FREM1: variants seen among roughly 807,000 people sequenced by gnomAD.
The protein encoded by FREM1 is FRAS1 related extracellular matrix 1, also known as FRAS1-related extracellular matrix protein 1.
A neutral mutation model predicts 210.1 loss-of-function variants in FREM1; 220 were observed. That is an observed-to-expected ratio of 1.05 (90% CI 0.94 to 1.17). FREM1 has a LOEUF of 1.17. Ranked by LOEUF, FREM1 falls within the 50% of genes most tolerant of loss-of-function variation. The probability of loss-of-function intolerance (pLI) is 0.00; values close to 1 mark genes in which losing one functional copy is unlikely to be tolerated. For missense variants in FREM1, 3,454 were observed against 2,675.5 expected (o/e 1.29, Z -6.42); for synonymous variants, 1,189 against 980.2 (o/e 1.21, Z -3.98).
In FREM1 at chr9:14,836,738, C is replaced by A. The variant is rs1824685677; in HGVS notation, c.1881+4709G>T. The stretch of plus-strand genomic sequence containing the variant: ...AACCGCATGTGGACATGCCATTCTT[C>A]CGAGGACCCTTAAATCAATCCCAGG... On this transcript the variant is annotated intron_variant, in intron 10 of 36. Coordinates refer to ENST00000380880, the MANE Select transcript of FREM1 (RefSeq NM_001379081.2). This position sits in a 1 kb window ranked among gnomAD's most constrained non-coding sequence, Gnocchi z 4.9. Among the ~76,000 whole-genome samples the A allele has an allele frequency of 6.6e-6, 1 of 152,190 alleles. No individual in the cohort carries two copies. Among genetic ancestry groups the A allele is most frequent in the South Asian group, 2.1e-4 (1 of 4,826 alleles).
At chr9:14,814,538 C>G (rs1213064227) in intron 15 of FREM1, among the ~76,000 whole-genome samples, 2 of 152,144 alleles carry the variant, frequency 1.3e-5, no homozygotes, top group Non-Finnish European at 2.9e-5. Context: ...AAGCTCCAGG[C>G]TAGTTATTTA....
chr9:14,843,043 C>T (rs776484900), intron 8 of FREM1, among the ~76,000 whole-genome samples: 87 of 152,248 alleles, frequency 5.7e-4, no homozygotes, highest in Non-Finnish European at 1.1e-3. Context: ...GCATTCGAAT[C>T]AGCAGACTGA....
chr9:14,893,446 T>A (rs966881742), intron 1 of FREM1, among the ~76,000 whole-genome samples: 5 of 152,218 alleles, frequency 3.3e-5, no homozygotes, highest in African/African-American at 1.2e-4. Flanking sequence ...CTTGTAACCA[T>A]GTGGCCCTGC....
rs1827725416 is a variant in FREM1, at chr9:14,851,394, G to A, written c.1042C>T (p.Leu348=). 6.2e-7 allele frequency: 1 copy of A among 1,613,928 alleles called. No homozygotes were observed. Among genetic ancestry groups the A allele is most frequent in the Non-Finnish European group, 8.5e-7 (1 of 1,179,852 alleles). Residue 348 remains leucine, a synonymous_variant, in exon 6 of 37, where the codon CTG becomes TTG. Coordinates refer to ENST00000380880, the MANE Select transcript of FREM1 (RefSeq NM_001379081.2). The part of the protein sequence containing the change: ...KAPLQGYVTH[L]LDHTRPISSF... ...GAGATTGGTCTGGTGTGATCCAACA[G>A]GTGAGTCACATAGCCCTGGAGCGGG...
At chr9:14,759,010 T>C (rs1321307973) in intron 28 of FREM1, among the ~76,000 whole-genome samples, 1 of 152,150 alleles carries the variant, frequency 6.6e-6, no homozygotes, top group African/African-American at 2.4e-5. Context: ...GGGAAGTGAC[T>C]GAGGTGAATA....
At chr9:14,854,928 G>A (rs967559507) in intron 5 of FREM1, among the ~76,000 whole-genome samples, 2 of 151,996 alleles carry the variant, frequency 1.3e-5, no homozygotes, top group African/African-American at 4.8e-5. Flanking sequence ...TCAATAAAGT[G>A]AGATACTTCA....
At chr9:14,785,436 G>T (rs1587960313) in intron 23 of FREM1, among the ~76,000 whole-genome samples, 1 of 152,134 alleles carries the variant, frequency 6.6e-6, no homozygotes, top group Non-Finnish European at 1.5e-5. Context: ...CAATTGTGTG[G>T]TAGTTGCACA....
At chr9:14,744,941 A>G (rs1249832130) in intron 35 of FREM1, among the ~76,000 whole-genome samples, 1 of 152,220 alleles carries the variant, frequency 6.6e-6, no homozygotes, top group Non-Finnish European at 1.5e-5. Flanking sequence ...GCAGCCATAA[A>G]AAAGAACAAG....
chr9:14,825,547 G>GTGTGTGTGTGTGTGTGTATATA, intron 10 of FREM1, among the ~76,000 whole-genome samples: 3 of 75,932 alleles, frequency 4.0e-5, no homozygotes, highest in Non-Finnish European at 7.4e-5. Context: ...GTGTGTGTGT[G>GTGTGTGTGTGTGTGTGTATATA]TATATATATA....
intron 27 of FREM1, among the ~76,000 whole-genome samples, chr9:14,761,758 T>C (rs751436509): frequency 6.6e-6 from 1 of 152,184 alleles, no homozygotes; most frequent in Non-Finnish European, 1.5e-5. Flanking sequence ...ATCCACACAG[T>C]AGATGCTACC....
chr9:14,893,342 A>T (rs111274543), intron 1 of FREM1, among the ~76,000 whole-genome samples: 19 of 152,316 alleles, frequency 1.2e-4, no homozygotes, highest in African/African-American at 4.6e-4. Context: ...AGAAAGAGGG[A>T]TACCTCAGGA....
chr9:14,878,596 A>G (rs891678061), intron 1 of FREM1, among the ~76,000 whole-genome samples: 12 of 152,188 alleles, frequency 7.9e-5, no homozygotes, highest in African/African-American at 2.7e-4. Flanking sequence ...TGCAACAGTA[A>G]TTGTGGTTTT....
chr9:14,749,806 T>C (rs1446592562), intron 30 of FREM1, among the ~76,000 whole-genome samples: 1 of 152,172 alleles, frequency 6.6e-6, no homozygotes, highest in Non-Finnish European at 1.5e-5. Flanking sequence ...AAGATAATTA[T>C]AGCTCTACAG....
At position 14,744,618 on chromosome 9, in the gene FREM1, G is replaced by A. The variant is rs1394434141; in HGVS notation, c.6254+1735C>T. Among the ~76,000 whole-genome samples, 7 of 152,164 alleles carry A rather than the reference G, an allele frequency of 4.6e-5. No individual in the cohort carries two copies. In the East Asian group the frequency reaches 1.3e-3, roughly 29 times the overall value. ...TTTATCAAAAATTTATTCTCTTGCT[G>A]ATGGAGAAAATATCAAGTATTTCTA... is the stretch of plus-strand genomic sequence containing the variant. On this transcript the variant is annotated intron_variant, in intron 35 of 36. Coordinates refer to ENST00000380880, the MANE Select transcript of FREM1 (RefSeq NM_001379081.2).
intron 7 of FREM1, among the ~76,000 whole-genome samples, chr9:14,846,763 A>C (rs1588334754): frequency 6.6e-6 from 1 of 152,342 alleles, no homozygotes; most frequent in East Asian, 1.9e-4. Context: ...AGCTGGTCGA[A>C]TTGCAAGGTA....
chr9:14,796,637 C>T (rs1852448268), intron 21 of FREM1, among the ~76,000 whole-genome samples: 1 of 152,098 alleles, frequency 6.6e-6, no homozygotes. Context: ...GGGCAGTTTC[C>T]CCCATCCTGT....
chr9:14,750,310 T>C (rs781275052), intron 29 of FREM1, 34 bp from the exon 30 acceptor site: 13 of 1,545,374 alleles, frequency 8.4e-6, no homozygotes, highest in African/African-American at 1.4e-5. Context: ...TACTCTTTAA[T>C]TGCTATTTCA....
intron 7 of FREM1, 76 bp downstream of exon 7, chr9:14,848,589 C>T (rs968371462): frequency 5.2e-6 from 4 of 770,454 alleles, no homozygotes; most frequent in Non-Finnish European, 8.5e-6. Context: ...ATAAAACTAC[C>T]TTTCTTTCCT....
chr9:14,745,060 T>C (rs1842172990), intron 35 of FREM1, among the ~76,000 whole-genome samples: 1 of 152,084 alleles, frequency 6.6e-6, no homozygotes, highest in Non-Finnish European at 1.5e-5. Flanking sequence ...GAGAGCTACA[T>C]GATGAGAACA....
Sources: gnomAD v4.1 joint callset for allele counts (sites outside exome capture counted in the v4.1 genomes callset) on GRCh38, gnomAD v4.1.1 for gene constraint, Gnocchi (gnomAD v3.1) non-coding constraint, MANE v1.5 for transcripts, NCBI Gene and HGNC (gene_info 2026-07-23, HGNC 2026-07-21) for gene names.